Variants in PC observed in about 807,000 individuals in gnomAD.
PC encodes the protein pyruvate carboxylase.
In PC, 46 loss-of-function variants were observed where a neutral mutation model predicts 107.8. The ratio of observed to expected loss-of-function variants is 0.43; its 90% CI spans 0.34 to 0.55. PC has a LOEUF of 0.55. PC is among the 20% of genes least tolerant of loss of function. The probability of loss-of-function intolerance (pLI) is 0.04; values close to 1 mark genes in which losing one functional copy is unlikely to be tolerated. For missense variants in PC, 1,241 were observed against 1,643.1 expected, an observed-to-expected ratio of 0.76 and a Z score of 4.23; for synonymous variants, 662 against 684.7, an observed-to-expected ratio of 0.97 and a Z score of 0.52.
In PC at chr11:66,849,811, G is replaced by A; in HGVS notation, c.2947C>T (p.Pro983Ser). The change falls in exon 21 of 23, where the codon CCT (proline) becomes TCT (serine). Residue 983 changes from proline to serine, a missense_variant. Pro to Ser is a moderately conservative substitution (Grantham distance 74). Transcript: ENST00000393960. ...TCCAGTGCCTGCAGATCCAGGGGAG[G>A]GAGGGAGGCTCCAGGCCGCCCCTCC... ...RVEGRPGASL[P>S]PLDLQALEKE... The A allele has an allele frequency of 2.5e-6, 4 of 1,614,012 alleles. No homozygotes were observed. The highest frequency in any genetic ancestry group is 8.5e-7 in the Non-Finnish European group (1 of 1,180,018).
At chr11:66,882,164 C>G (rs1043462364) in intron 3 of PC, among the ~76,000 whole-genome samples, 1 of 152,364 alleles carries the variant, frequency 6.6e-6, no homozygotes, top group South Asian at 2.1e-4. Flanking sequence ...TGAACTACAT[C>G]TCCCAGGATG....
chr11:66,928,814 C>T (rs554140458), intron 3 of PC, among the ~76,000 whole-genome samples: 2 of 152,154 alleles, frequency 1.3e-5, no homozygotes, highest in African/African-American at 2.4e-5. Flanking sequence ...CATGAGCCAC[C>T]GTGCCTGGCC....
At chr11:66,952,730 TG>T (rs373634647) in intron 2 of PC, among the ~76,000 whole-genome samples, 1,959 of 152,236 alleles carry the variant, frequency 0.013, 43 homozygotes, top group African/African-American at 0.045. Context: ...TTAGTAGAGA[TG>T]GGGGTTTCTC....
chr11:66,902,754 G>A (rs927570706), intron 3 of PC, among the ~76,000 whole-genome samples: 2 of 152,132 alleles, frequency 1.3e-5, no homozygotes, highest in Non-Finnish European at 2.9e-5. Context: ...ACACCTGTGT[G>A]TCCCCCAAAC....
chr11:66,906,129 G>GT (rs1440073318), intron 3 of PC, among the ~76,000 whole-genome samples: 1 of 152,200 alleles, frequency 6.6e-6, no homozygotes, highest in Non-Finnish European at 1.5e-5. Context: ...CAATGACCCA[G>GT]TGAGAAGCTG....
Position 66,850,567 on chromosome 11 carries a change from C to T in PC, c.2474-103G>A, listed in dbSNP as rs1565210978. 3.1e-6 allele frequency: 5 copies of T among 1,604,434 alleles called. No homozygotes were observed. In the East Asian group the frequency reaches 8.9e-5, roughly 29 times the overall value. ...GTCTGACTCAGGTGACAGAAGGCGG[C>T]AAGGCCAGAGCAGGGCATCTGGATC... On this transcript the variant is annotated intron_variant, in intron 18 of 22. Coordinates refer to ENST00000393960, the MANE Select transcript of PC (RefSeq NM_001040716.2).
chr11:66,873,496 T>TATTA (rs1946848949), intron 3 of PC, among the ~76,000 whole-genome samples: 1 of 14,702 alleles, frequency 6.8e-5, no homozygotes, highest in Non-Finnish European at 1.2e-4. Context: ...ATTATATATA[T>TATTA]TATATAATAT....
At chr11:66,896,414 C>T (rs1409119584) in intron 3 of PC, among the ~76,000 whole-genome samples, 3 of 152,182 alleles carry the variant, frequency 2.0e-5, no homozygotes, top group Non-Finnish European at 2.9e-5. Flanking sequence ...AAACTATCAA[C>T]CATGTATGAA....
At chr11:66,926,319 G>A (rs79305574) in intron 3 of PC, among the ~76,000 whole-genome samples, 1,726 of 152,314 alleles carry the variant, frequency 0.011, 9 homozygotes, top group Middle Eastern at 0.021. Context: ...CTACACTAAT[G>A]AAACAGGAAT....
chr11:66,900,398 A>G (rs1287422977), intron 3 of PC, among the ~76,000 whole-genome samples: 1 of 151,958 alleles, frequency 6.6e-6, no homozygotes, highest in African/African-American at 2.4e-5. Flanking sequence ...TCCTGACCTC[A>G]TGATCCGCCC....
rs1488026356 is a variant in PC, at chr11:66,857,786, G to A, written c.1369-4403C>T. On this transcript the variant is annotated intron_variant, in intron 12 of 22. Coordinates refer to ENST00000393960, the MANE Select transcript of PC (RefSeq NM_001040716.2). The surrounding 1 kb of genome is among the most constrained non-coding windows in gnomAD (Gnocchi z 7.1). ...TGCTGCTGCTGCTGGCCAGTGGAGC[G>A]GCCGCCTGCCCGCTGCCCTGCGTCT... The A allele has an allele frequency of 2.5e-6, 4 of 1,597,034 alleles. No individual in the cohort carries two copies. The highest frequency in any genetic ancestry group is 4.5e-5 in the East Asian group (2 of 44,744).
rs537677282 is a variant in PC at position 66,853,377 on chromosome 11, T to C, written c.1375A>G (p.Ile459Val). 1.2e-6 allele frequency: 2 copies of C among 1,613,834 alleles called. No homozygotes were observed. Among genetic ancestry groups the C allele is most frequent in the East Asian group, 2.2e-5 (1 of 44,864 alleles). The part of the protein sequence containing the change: ...EFRVRGVKTN[I>V]AFLQNVLNNQ... Reference sequence around the variant, plus strand: ...TTGAGCACATTCTGCAGGAAGGCGATGTTGGTCTGCAGGACAGAGGCGGGT... The same window carrying C: ...TTGAGCACATTCTGCAGGAAGGCGACGTTGGTCTGCAGGACAGAGGCGGGT... The change falls in exon 13 of 23, where the codon ATC becomes GTC. Residue 459 changes from isoleucine to valine, a missense_variant. Physicochemically the swap from Ile to Val is conservative, Grantham distance 29. Around this residue, in one of 2 missense-constraint regions of PC, gnomAD observed 1,143 missense variants for 1,551.9 expected, o/e 0.74. Coordinates refer to ENST00000393960, the MANE Select transcript of PC (RefSeq NM_001040716.2).
intron 3 of PC, among the ~76,000 whole-genome samples, chr11:66,892,938 G>A (rs776544945): frequency 6.6e-6 from 1 of 152,118 alleles, no homozygotes; most frequent in Non-Finnish European, 1.5e-5. Context: ...ATGTGGGGGT[G>A]GGTGGAGGGG....
rs754285223 is a variant in PC, at chr11:66,851,174, C to T, written c.2089G>A (p.Gly697Arg). The T allele has an allele frequency of 2.3e-5, 37 of 1,611,752 alleles. No homozygotes were observed. Among genetic ancestry groups the T allele is most frequent in the Admixed American group, 8.3e-5 (5 of 60,012 alleles). ...LLGMEAAGSA[G>R]GVVEAAISYT... is the part of the protein sequence containing the mutation. ...GAGATGGCAGCCTCCACCACGCCTC[C>T]GGCACTTCCTGCCGCCTCCATGCCC... The change falls in exon 17 of 23, where the codon GGA becomes AGA. Residue 697 changes from glycine to arginine, a missense_variant. Gly to Arg is a moderately radical substitution (Grantham distance 125). Coordinates refer to ENST00000393960, the MANE Select transcript of PC (RefSeq NM_001040716.2).
At chr11:66,869,992 T>G (rs1398123785) in intron 9 of PC, among the ~76,000 whole-genome samples, 1 of 152,216 alleles carries the variant, frequency 6.6e-6, no homozygotes, top group Non-Finnish European at 1.5e-5. Flanking sequence ...ATGACAGGGA[T>G]GAGCTGATGC....
chr11:66,868,299 C>A (rs1015439714), intron 10 of PC, among the ~76,000 whole-genome samples: 1 of 152,234 alleles, frequency 6.6e-6, no homozygotes, highest in Non-Finnish European at 1.5e-5. Flanking sequence ...TTAAGAAATA[C>A]ACACAAGACG....
chr11:66,910,167 G>A (rs1591270263), intron 3 of PC, among the ~76,000 whole-genome samples: 1 of 152,138 alleles, frequency 6.6e-6, no homozygotes, highest in Non-Finnish European at 1.5e-5. Context: ...CTGCCCTGGC[G>A]AACGAGTCGC....
chr11:66,898,304 G>A (rs755250447), intron 3 of PC, among the ~76,000 whole-genome samples: 2 of 152,168 alleles, frequency 1.3e-5, no homozygotes, highest in Non-Finnish European at 2.9e-5. Context: ...AGCCGACTGC[G>A]CTGCCCTTCA....
At position 66,858,557 on chromosome 11, in the gene PC, G is replaced by A. The variant is rs983248854; in HGVS notation, c.1369-5174C>T. 8 of 1,532,912 alleles carry A rather than the reference G, an allele frequency of 5.2e-6. No individual in the cohort carries two copies. Among genetic ancestry groups the A allele is most frequent in the South Asian group, 2.4e-5 (2 of 83,904 alleles). The allele number at this position is 1,532,912 out of a possible 1,614,324, so 95.0% of individuals were successfully genotyped here. Reference sequence around the variant, plus strand: ...TGGCCGGCCGCTACTTCTGGGCAGTGCCCGAGGGCGAGTTCTCCTGTGAGC... The same window carrying A: ...TGGCCGGCCGCTACTTCTGGGCAGTACCCGAGGGCGAGTTCTCCTGTGAGC... On this transcript the variant is annotated intron_variant, in intron 12 of 22. Coordinates refer to ENST00000393960, the MANE Select transcript of PC (RefSeq NM_001040716.2). This position sits in a 1 kb window ranked among gnomAD's most constrained non-coding sequence, Gnocchi z 5.9.
Sources: allele counts gnomAD v4.1 joint callset (sites outside exome capture counted in the v4.1 genomes callset), GRCh38; gene constraint gnomAD v4.1.1; regional missense constraint gnomAD v4.1.1; non-coding constraint Gnocchi (gnomAD v3.1); transcripts MANE v1.5; gene names NCBI Gene and HGNC (gene_info 2026-07-23, HGNC 2026-07-21).